The following NDUFAF5 variants were observed in gnomAD, a reference collection of about 807,000 sequenced individuals.
The protein encoded by NDUFAF5 is NADH:ubiquinone oxidoreductase complex assembly factor 5.
NDUFAF5 carries 34 observed loss-of-function variants against 48.9 expected under a neutral mutation model. The ratio of observed to expected loss-of-function variants is 0.70; its 90% CI spans 0.53 to 0.93. The LOEUF (loss-of-function observed/expected upper bound fraction) is 0.93, where lower values mean the gene tolerates loss of function less well. Ranked by LOEUF, NDUFAF5 falls within the 40% of genes least tolerant of loss-of-function variation. The pLI, the probability that NDUFAF5 is intolerant of heterozygous loss-of-function variation, is 0.00. For synonymous variants in NDUFAF5, 153 were observed against 150.6 expected (o/e 1.02, Z -0.12); for missense variants, 428 against 427.5 (o/e 1.00, Z -0.01).
At chr20:13,787,063 A>ATG (rs1291163557) in intron 1 of NDUFAF5, 7 of 532,600 alleles carry the variant, frequency 1.3e-5, no homozygotes, top group South Asian at 4.1e-5. Context: ...CCACATATAT[A>ATG]TATGTGTGTG....
chr20:13,818,030 C>T lies in NDUFAF5; in HGVS notation c.*820C>T, dbSNP rs2423751. The stretch of plus-strand genomic sequence containing the variant: ...AGTGTTTTGTTTCCAGTTAGCTGTT[C>T]GCTGTCTTTTCCATTTAACCTGGGC... On this transcript the variant is annotated 3_prime_UTR_variant, in exon 11 of 11. Transcript: ENST00000378106. The T allele has an allele frequency of 0.39, 176,681 of 453,736 alleles. 35,395 individuals carry two copies. The highest frequency in any genetic ancestry group is 0.54 in the East Asian group (7,827 of 14,374). The allele number at this position is 453,736 out of a possible 1,614,324, so 28.1% of individuals were successfully genotyped here. A position where few individuals can be genotyped will look rare whatever the true frequency, so the allele number is the denominator to read the frequency against.
At chr20:13,785,850 A>C (rs547184866) in intron 1 of NDUFAF5, among the ~76,000 whole-genome samples, 1 of 152,352 alleles carries the variant, frequency 6.6e-6, no homozygotes, top group African/African-American at 2.4e-5. Flanking sequence ...AATATATTAA[A>C]TATAAATTTA....
intron 7 of NDUFAF5, 79 bp from the exon 8 acceptor site, chr20:13,808,763 A>G (rs1985432795): frequency 1.2e-6 from 1 of 868,898 alleles, no homozygotes; most frequent in Non-Finnish European, 1.9e-6. Flanking sequence ...TGGTCTGGGT[A>G]GTCTCTGCGG....
intron 3 of NDUFAF5, among the ~76,000 whole-genome samples, chr20:13,790,882 A>G (rs1399200090): frequency 1.3e-5 from 2 of 152,188 alleles, no homozygotes; most frequent in African/African-American, 2.4e-5. Context: ...ACTGCTTTAG[A>G]AAATAGTGCC....
chr20:13,803,910 C>T (rs1329404751), intron 7 of NDUFAF5, among the ~76,000 whole-genome samples: 1 of 152,042 alleles, frequency 6.6e-6, no homozygotes, highest in East Asian at 1.9e-4. Context: ...CTCAGCCTCC[C>T]GAGCAGCTGG....
At chr20:13,814,553 G>A (rs1568784171) in intron 8 of NDUFAF5, 2 of 1,023,488 alleles carry the variant, frequency 2.0e-6, no homozygotes, top group Middle Eastern at 2.8e-4. Flanking sequence ...ACTCAGTATT[G>A]TTTTTAGTAA....
At chr20:13,791,407 C>G (rs1982258606) in intron 3 of NDUFAF5, among the ~76,000 whole-genome samples, 1 of 152,118 alleles carries the variant, frequency 6.6e-6, no homozygotes, top group East Asian at 1.9e-4. Flanking sequence ...CAAAGTAAAC[C>G]TGTCAAAGGA....
chr20:13,798,912 T>G (rs374119350), intron 6 of NDUFAF5, among the ~76,000 whole-genome samples: 12 of 152,186 alleles, frequency 7.9e-5, no homozygotes, highest in African/African-American at 2.7e-4. Context: ...CACGTATCAA[T>G]AGACAGGTGA....
In NDUFAF5 at chr20:13,798,593, G is replaced by A. The variant is rs1400564123; in HGVS notation, c.519+93G>A. ...TTCTATTTTCACATACTATTTACTT[G>A]TAGGTCTGACAGTTGGGAAAGAAAT... On this transcript the variant is annotated intron_variant, in intron 6 of 10. Transcript: ENST00000378106. The A allele has an allele frequency of 4.9e-6, 5 of 1,027,006 alleles. No homozygotes were observed. The African/African-American group carries it at 7.9e-5, about 16-fold the overall frequency. 63.6% of individuals were successfully genotyped at this position (1,027,006 alleles called of 1,614,324 possible).
chr20:13,785,381 C>G lies in NDUFAF5; in HGVS notation c.222+91C>G, dbSNP rs1980851918. The stretch of plus-strand genomic sequence containing the variant: ...TTCCGGCTAGGCCCCGAGCTCACCC[C>G]ACCTAGCCGTCTGACCTTGACCAGC... On this transcript the variant is annotated intron_variant, in intron 1 of 10. Transcript: ENST00000378106. The G allele has an allele frequency of 3.5e-6, 4 of 1,138,004 alleles. No homozygotes were observed. The Admixed American group carries it at 8.5e-5, about 24-fold the overall frequency. The allele number at this position is 1,138,004 out of a possible 1,614,324, so 70.5% of individuals were successfully genotyped here. A position where few individuals can be genotyped will look rare whatever the true frequency, so the allele number is the denominator to read the frequency against.
intron 5 of NDUFAF5, among the ~76,000 whole-genome samples, chr20:13,795,345 A>G (rs1388471300): frequency 2.0e-5 from 3 of 152,116 alleles, no homozygotes; most frequent in Non-Finnish European, 4.4e-5. Flanking sequence ...TCTATCACAG[A>G]TGAGTTTAGC....
intron 8 of NDUFAF5, among the ~76,000 whole-genome samples, chr20:13,811,912 A>C (rs1244615711): frequency 6.6e-6 from 1 of 152,224 alleles, no homozygotes; most frequent in African/African-American, 2.4e-5. Context: ...GGGAGCCTTC[A>C]TCTGGATCCT....
In NDUFAF5 at chr20:13,793,245, A is replaced by G. The variant is rs1252262437; in HGVS notation, c.375+18A>G. On this transcript the variant is annotated intron_variant, in intron 4 of 10. Coordinates refer to ENST00000378106, the MANE Select transcript of NDUFAF5 (RefSeq NM_024120.5). ...ATGCTTTGGTAGGTAGCTTTTTAATACTGTTGGTTTCTAATCTCGTGATGT... is the reference window on the plus strand; with the variant it reads ...ATGCTTTGGTAGGTAGCTTTTTAATGCTGTTGGTTTCTAATCTCGTGATGT... 1 of 1,595,372 alleles carries G rather than the reference A, an allele frequency of 6.3e-7. No individual in the cohort carries two copies. Among genetic ancestry groups the G allele is most frequent in the African/African-American group, 1.3e-5 (1 of 74,658 alleles).
In NDUFAF5 at chr20:13,817,261, C is replaced by T. The variant is rs1262951896; in HGVS notation, c.*51C>T. On this transcript the variant is annotated 3_prime_UTR_variant, in exon 11 of 11. Coordinates refer to ENST00000378106, the MANE Select transcript of NDUFAF5 (RefSeq NM_024120.5). ...CAGAATTTTCATCAGAAATGGATAG[C>T]TTTAACATCTAAAATTATTATATTT... is the stretch of plus-strand genomic sequence containing the variant. 2.3e-6 allele frequency: 3 copies of T among 1,276,930 alleles called. No individual in the cohort carries two copies. The African/African-American group carries it at 4.4e-5, about 19-fold the overall frequency. 79.1% of individuals were successfully genotyped at this position (1,276,930 alleles called of 1,614,324 possible).
chr20:13,792,743 T>TAA (rs1456340193), intron 3 of NDUFAF5, among the ~76,000 whole-genome samples: 1 of 152,140 alleles, frequency 6.6e-6, no homozygotes, highest in African/African-American at 2.4e-5. Flanking sequence ...CCTTTCCTTT[T>TAA]GGAAGGGAGA....
At chr20:13,805,826 G>A (rs1192978145) in intron 7 of NDUFAF5, among the ~76,000 whole-genome samples, 1 of 151,978 alleles carries the variant, frequency 6.6e-6, no homozygotes, top group Non-Finnish European at 1.5e-5. Context: ...AGCTACTCGG[G>A]AGGCTGAGTT....
intron 3 of NDUFAF5, among the ~76,000 whole-genome samples, chr20:13,791,378 G>A (rs1399405593): frequency 2.6e-4 from 39 of 152,292 alleles, no homozygotes; most frequent in Non-Finnish European, 4.4e-5. Flanking sequence ...CAAAAGGTTG[G>A]TAAGGGGATT....
rs375682885 is a variant in NDUFAF5, at chr20:13,817,091, A to C, written c.946-27A>C. The C allele has an allele frequency of 8.1e-6, 13 of 1,601,072 alleles. No individual in the cohort carries two copies. The African/African-American group carries it at 1.1e-4, about 13-fold the overall frequency. On this transcript the variant is annotated intron_variant, in intron 10 of 10. Coordinates refer to ENST00000378106, the MANE Select transcript of NDUFAF5 (RefSeq NM_024120.5). The stretch of plus-strand genomic sequence containing the variant: ...GGCTGTGTATTATCTATCTATTTCT[A>C]ATATCTTTAATCTTTATTATTTTCA...
chr20:13,793,992 G>A (rs906933859), intron 4 of NDUFAF5, among the ~76,000 whole-genome samples: 1 of 152,096 alleles, frequency 6.6e-6, no homozygotes, highest in African/African-American at 2.4e-5. Context: ...GTCCTCTTTA[G>A]CTATCTTGTG....
Sources: allele counts gnomAD v4.1 joint callset (sites outside exome capture counted in the v4.1 genomes callset), GRCh38; gene constraint gnomAD v4.1.1; transcripts MANE v1.5; gene names NCBI Gene and HGNC (gene_info 2026-07-23, HGNC 2026-07-21).